The following EXOC4 variants were observed in gnomAD, a reference collection of about 807,000 sequenced individuals.
EXOC4 encodes the protein SEC8-like 1.
A neutral mutation model predicts 107.2 loss-of-function variants in EXOC4; 71 were observed. The ratio of observed to expected loss-of-function variants is 0.66; its 90% CI spans 0.55 to 0.81. The LOEUF is 0.81. Among genes scored for constraint, EXOC4 ranks in the 30% least tolerant of loss-of-function variants. The probability of loss-of-function intolerance (pLI) is 0.00; values close to 1 mark genes in which losing one functional copy is unlikely to be tolerated. For synonymous variants in EXOC4, 456 were observed against 441.2 expected, an observed-to-expected ratio of 1.03 and a Z score of -0.42; for missense variants, 1,108 against 1,189.6, an observed-to-expected ratio of 0.93 and a Z score of 1.01.
chr7:133,649,645 A>C (rs1322857596), intron 10 of EXOC4, among the ~76,000 whole-genome samples: 2 of 151,920 alleles, frequency 1.3e-5, no homozygotes, highest in Non-Finnish European at 2.9e-5. Flanking sequence ...CATTCCTTTT[A>C]AGCAAAAGGA....
At chr7:133,753,383 A>G (rs898720605) in intron 10 of EXOC4, among the ~76,000 whole-genome samples, 5 of 152,212 alleles carry the variant, frequency 3.3e-5, no homozygotes, top group African/African-American at 7.2e-5. Context: ...AGGATGACAG[A>G]CACTTGATAA....
intron 10 of EXOC4, among the ~76,000 whole-genome samples, chr7:133,649,592 G>A (rs771528119): frequency 6.7e-6 from 1 of 150,312 alleles, no homozygotes; most frequent in South Asian, 2.1e-4. Flanking sequence ...TGGCTTTCCT[G>A]TATGTAAACC....
chr7:133,968,766 C>G (rs939899223), intron 14 of EXOC4, among the ~76,000 whole-genome samples: 3 of 152,190 alleles, frequency 2.0e-5, no homozygotes, highest in South Asian at 2.1e-4. Context: ...TTCTGGCTAC[C>G]CTTAACATTT....
At position 133,480,139 on chromosome 7, in the gene EXOC4, G is replaced by T; in HGVS notation, c.1417+1G>T. On this transcript the variant is annotated splice_donor_variant, in intron 9 of 17. Transcript: ENST00000253861. LOFTEE classifies it high-confidence loss of function. ...TATAGTCGGAGTGGAGAACTGCAAG[G>T]TGAGTGATTGAGCTTCTCTGGAAAA... 1 of 1,613,792 alleles carries T rather than the reference G, an allele frequency of 6.2e-7. No homozygotes were observed. Among genetic ancestry groups the T allele is most frequent in the South Asian group, 1.1e-5 (1 of 91,082 alleles).
chr7:133,839,432 G>A (rs189265481), intron 11 of EXOC4, among the ~76,000 whole-genome samples: 7 of 152,348 alleles, frequency 4.6e-5, no homozygotes, highest in Admixed American at 4.6e-4. Context: ...GATAATGACA[G>A]TGTAGCATAT....
At chr7:133,256,269 C>T (rs1436011715) in intron 1 of EXOC4, among the ~76,000 whole-genome samples, 1 of 152,244 alleles carries the variant, frequency 6.6e-6, no homozygotes, top group Non-Finnish European at 1.5e-5. Flanking sequence ...GCGTGAGCCA[C>T]CGCGCCTGGT....
chr7:133,262,006 C>CTGCAGATT (rs1795164396), intron 1 of EXOC4, among the ~76,000 whole-genome samples: 1 of 152,168 alleles, frequency 6.6e-6, no homozygotes, highest in Non-Finnish European at 1.5e-5. Context: ...CATTACTGCC[C>CTGCAGATT]TGCAGATTCT....
intron 10 of EXOC4, among the ~76,000 whole-genome samples, chr7:133,650,306 G>A (rs1027774843): frequency 2.5e-4 from 38 of 151,928 alleles, no homozygotes; most frequent in Admixed American, 2.1e-3. Flanking sequence ...ATCTGGCACC[G>A]AGAAGGAAAA....
At position 133,739,219 on chromosome 7, in the gene EXOC4, GGTTT is replaced by G. The variant is rs1277417001; in HGVS notation, c.1515-78103_1515-78100del. ...TACCTTACAGAAGCACATGTAGAGG[GGTTT>G]GTGTGTGTGTGTGTGTGTGTGTGTG... On this transcript the variant is annotated intron_variant, in intron 10 of 17. Transcript: ENST00000253861. 1.9e-3 allele frequency among the ~76,000 whole-genome samples: 195 copies of G among 101,526 alleles called. 1 individual carries two copies. The highest frequency in any genetic ancestry group is 1.8e-3 in the Non-Finnish European group (84 of 47,680). The allele number at this position is 101,526 out of a possible 152,430, so 66.6% of individuals were successfully genotyped here.
intron 9 of EXOC4, among the ~76,000 whole-genome samples, chr7:133,483,633 G>A (rs915448187): frequency 1.3e-5 from 2 of 152,202 alleles, no homozygotes; most frequent in Non-Finnish European, 2.9e-5. Context: ...ACCACATTAT[G>A]TTCCTAATAA....
At position 133,305,894 on chromosome 7, in the gene EXOC4, T is replaced by C. The variant is rs749791944; in HGVS notation, c.489T>C (p.Ser163=). The change falls in exon 4 of 18, where the codon TCT becomes TCC. Residue 163 remains serine (S), a synonymous_variant. Transcript: ENST00000253861. ...CTTTTCAGGTGTCAGCAGTTGAGTC[T>C]TTGGAGGGCCCCCTGCTCCAGGTGG... is the stretch of plus-strand genomic sequence containing the variant. ...ATDMLVSAVE[S]LEGPLLQVEG... is the part of the protein sequence containing the mutation. 9 of 1,608,946 alleles carry C rather than the reference T, an allele frequency of 5.6e-6. No homozygotes were observed. The highest frequency in any genetic ancestry group is 2.7e-5 in the African/African-American group (2 of 74,656).
Position 133,857,126 on chromosome 7 carries a change from G to GTA in EXOC4, c.1735-38462_1735-38461dup, listed in dbSNP as rs1261557691. Among the ~76,000 whole-genome samples, 12 of 43,468 alleles carry GTA rather than the reference G, an allele frequency of 2.8e-4. 2 individuals are homozygous for GTA. The highest frequency in any genetic ancestry group is 1.7e-3 in the East Asian group (3 of 1,748). 28.5% of individuals were successfully genotyped at this position (43,468 alleles called of 152,430 possible). On this transcript the variant is annotated intron_variant, in intron 11 of 17. Transcript: ENST00000253861. ...TATATATATATGTGTATATATATAT[G>GTA]TATATATATATACACATACACGTAT...
chr7:133,618,675 CATT>C (rs1802253429), intron 9 of EXOC4, among the ~76,000 whole-genome samples: 1 of 152,044 alleles, frequency 6.6e-6, no homozygotes, highest in Non-Finnish European at 1.5e-5. Context: ...TGGTTGGTGT[CATT>C]ATTTTGATTG....
chr7:134,018,335 C>T lies in EXOC4; in HGVS notation c.2687+10500C>T, dbSNP rs151315558. On this transcript the variant is annotated intron_variant, in intron 17 of 17. Transcript: ENST00000253861. ...AGTAGGAAACTGGCACAATCGCTGT[C>T]GTAAAAGCAGAGCTACAGCCCCTGT... is the stretch of plus-strand genomic sequence containing the variant. 2.6e-3 allele frequency among the ~76,000 whole-genome samples: 400 copies of T among 152,246 alleles called. 3 individuals carry two copies. Among genetic ancestry groups the T allele is most frequent in the African/African-American group, 9.2e-3 (384 of 41,548 alleles).
At position 133,895,599 on chromosome 7, in the gene EXOC4, A is replaced by T. The variant is rs762548692; in HGVS notation, c.1735A>T (p.Ser579Cys). The change falls in exon 12 of 18, where the codon AGC becomes TGC. Residue 579 changes from serine to cysteine, a missense_variant and splice_region_variant. Coordinates refer to ENST00000253861, the MANE Select transcript of EXOC4 (RefSeq NM_021807.4). The part of the protein sequence containing the change: ...VLGVQRPLLQ[S>C]TIIVEKTVQD... ...TCCTCTCTTTGTTGTTCATTTCCAGAGCACAATCATTGTGGAGAAGACAGT... is the reference window on the plus strand; with the variant it reads ...TCCTCTCTTTGTTGTTCATTTCCAGTGCACAATCATTGTGGAGAAGACAGT... The T allele has an allele frequency of 1.7e-5, 28 of 1,613,646 alleles. No individual in the cohort carries two copies. Among genetic ancestry groups the T allele is most frequent in the Non-Finnish European group, 2.3e-5 (27 of 1,179,790 alleles).
At chr7:134,054,723 TTA>T (rs1480090284) in intron 17 of EXOC4, among the ~76,000 whole-genome samples, 1 of 152,214 alleles carries the variant, frequency 6.6e-6, no homozygotes, top group Non-Finnish European at 1.5e-5. Flanking sequence ...ATTTTGCTAG[TTA>T]TATTTTTCTA....
At chr7:133,289,221 C>T (rs1584781816) in intron 3 of EXOC4, 105 bp downstream of exon 3, 3 of 943,572 alleles carry the variant, frequency 3.2e-6, no homozygotes, top group South Asian at 1.9e-5. Flanking sequence ...ACAAACTGCC[C>T]TCTTGGGATT....
Position 133,587,819 on chromosome 7 carries a change from T to C in EXOC4, c.1418-42226T>C, listed in dbSNP as rs555805686. Among the ~76,000 whole-genome samples the C allele has an allele frequency of 3.0e-4, 46 of 152,330 alleles. No individual in the cohort carries two copies. The South Asian group carries it at 8.5e-3, about 28-fold the overall frequency. ...GAAGAGTTAAATTTCCTGCCAATGATGACATGAAAGCTATGTTGTTGCTAT... is the reference window on the plus strand; with the variant it reads ...GAAGAGTTAAATTTCCTGCCAATGACGACATGAAAGCTATGTTGTTGCTAT... On this transcript the variant is annotated intron_variant, in intron 9 of 17. Transcript: ENST00000253861.
At chr7:133,844,328 C>T (rs1014594538) in intron 11 of EXOC4, among the ~76,000 whole-genome samples, 3 of 140,612 alleles carry the variant, frequency 2.1e-5, no homozygotes, top group Middle Eastern at 7.6e-3. Flanking sequence ...TTTCTAATCT[C>T]TTTTACATTT....
Sources: gnomAD v4.1 joint callset for allele counts (sites outside exome capture counted in the v4.1 genomes callset) on GRCh38, gnomAD v4.1.1 for gene constraint, MANE v1.5 for transcripts, NCBI Gene and HGNC (gene_info 2026-07-23, HGNC 2026-07-21) for gene names.